PRR13: variants seen among roughly 807,000 people sequenced by gnomAD.
The protein encoded by PRR13 is proline rich 13.
PRR13 carries 7 observed loss-of-function variants against 11.5 expected under a neutral mutation model. That is an observed-to-expected ratio of 0.61 (90% CI 0.34 to 1.14). The LOEUF is 1.14. Among genes scored for constraint, PRR13 ranks in the 50% most tolerant of loss-of-function variants. PRR13 has a pLI of 0.03. For synonymous variants in PRR13, 53 were observed against 67.8 expected, an observed-to-expected ratio of 0.78 and a Z score of 1.07; for missense variants, 155 against 194.4, an observed-to-expected ratio of 0.80 and a Z score of 1.21.
rs1188270872 is a variant in PRR13, at chr12:53,442,678, C to T, written c.-20-17C>T. 6.3e-7 allele frequency: 1 copy of T among 1,597,432 alleles called. No individual in the cohort carries two copies. The highest frequency in any genetic ancestry group is 1.1e-5 in the South Asian group (1 of 90,702). ...CTCTAGACCGTCATCTTTTTTGCCTCATTTCTTTCTCCTCAGGCTGGAGGA... is the reference window on the plus strand; with the variant it reads ...CTCTAGACCGTCATCTTTTTTGCCTTATTTCTTTCTCCTCAGGCTGGAGGA... On this transcript the variant is annotated splice_polypyrimidine_tract_variant and intron_variant, in intron 1 of 3. Coordinates refer to ENST00000429243, the MANE Select transcript of PRR13 (RefSeq NM_018457.4).
intron 2 of PRR13, chr12:53,443,181 G>T (rs1940329837): frequency 3.9e-6 from 2 of 506,864 alleles, no homozygotes; most frequent in Non-Finnish European, 6.8e-6. Flanking sequence ...GTCTTCCTCA[G>T]AGTTCACTGT....
At position 53,443,591 on chromosome 12, in the gene PRR13, T is replaced by C. The variant is rs1242954208; in HGVS notation, c.220T>C (p.Leu74=). 1.2e-6 allele frequency: 2 copies of C among 1,611,510 alleles called. No individual in the cohort carries two copies. The highest frequency in any genetic ancestry group is 2.2e-5 in the East Asian group (1 of 44,826). Residue 74 remains leucine, a synonymous_variant, in exon 3 of 4, where the codon TTG becomes CTG. Transcript: ENST00000429243. ...GCCAGGGTATCCAGGATGCCAACCG[T>C]TGGGTCCCTACCCTCCTCCATACCC... is the stretch of plus-strand genomic sequence containing the variant. ...PQPGYPGCQP[L]GPYPPPYPPP...
At chr12:53,442,667 C>A (rs761664145) in intron 1 of PRR13, 28 bp from the exon 2 acceptor site, 1 of 1,577,274 alleles carries the variant, frequency 6.3e-7, no homozygotes, top group Non-Finnish European at 8.7e-7. Flanking sequence ...AGACCGTCAT[C>A]TTTTTTGCCT....
intron 2 of PRR13, 67 bp downstream of exon 2, chr12:53,442,800 C>T: frequency 1.3e-6 from 2 of 1,525,422 alleles, no homozygotes; most frequent in African/African-American, 2.7e-5. Flanking sequence ...CAGGAAGTTT[C>T]TGTATCAGCT....
intron 1 of PRR13, chr12:53,442,291 CTAG>C (rs1940306905): frequency 4.3e-6 from 1 of 232,126 alleles, no homozygotes. Flanking sequence ...GTCGCCCAGG[CTAG>C]AGTGCAGTGG....
At chr12:53,443,261 C>T (rs1940331874) in intron 2 of PRR13, 130 bp from the exon 3 acceptor site, 2 of 1,025,596 alleles carry the variant, frequency 2.0e-6, no homozygotes, top group Non-Finnish European at 2.6e-6. Context: ...GTCTCCCCTA[C>T]CCTCCATTCT....
At chr12:53,442,622 G>C in intron 1 of PRR13, 73 bp from the exon 2 acceptor site, 1 of 1,334,274 alleles carries the variant, frequency 7.5e-7, no homozygotes, top group African/African-American at 1.4e-5. Context: ...AGACGTTAGG[G>C]CTGGGCTCCG....
intron 3 of PRR13, among the ~76,000 whole-genome samples, chr12:53,444,601 T>C (rs1379750727): frequency 6.6e-6 from 1 of 152,216 alleles, no homozygotes; most frequent in Non-Finnish European, 1.5e-5. Flanking sequence ...AGTGCTGGGA[T>C]TACAGGCGTG....
intron 1 of PRR13, 163 bp downstream of exon 1, chr12:53,441,955 TCTTA>T (rs1234996465): frequency 5.9e-5 from 37 of 630,326 alleles, no homozygotes; most frequent in Admixed American, 1.9e-4. Context: ...GCAACTTCCT[TCTTA>T]CTTCGCCTCG....
intron 3 of PRR13, chr12:53,444,137 T>A (rs944160449): frequency 2.6e-6 from 1 of 384,356 alleles, no homozygotes; most frequent in African/African-American, 2.0e-5. Context: ...AGTCATTCCT[T>A]TGACAAAGCA....
chr12:53,442,706 C>G lies in PRR13; in HGVS notation c.-9C>G. The G allele has an allele frequency of 6.2e-7, 1 of 1,610,232 alleles. No homozygotes were observed. The highest frequency in any genetic ancestry group is 1.1e-5 in the South Asian group (1 of 90,996). ...TTCTTTCTCCTCAGGCTGGAGGACA[C>G]ACCTAAACATGTGGAATCCCAATGC... On this transcript the variant is annotated 5_prime_UTR_variant, in exon 2 of 4. Coordinates refer to ENST00000429243, the MANE Select transcript of PRR13 (RefSeq NM_018457.4).
intron 2 of PRR13, 75 bp downstream of exon 2, chr12:53,442,808 G>C (rs1333309882): frequency 1.3e-6 from 2 of 1,500,668 alleles, no homozygotes; most frequent in African/African-American, 2.8e-5. Context: ...TTCTGTATCA[G>C]CTCCCCTACC....
At chr12:53,444,659 T>C (rs1940367075) in intron 3 of PRR13, among the ~76,000 whole-genome samples, 1 of 152,248 alleles carries the variant, frequency 6.6e-6, no homozygotes, top group South Asian at 2.1e-4. Context: ...GCTCCAAGGC[T>C]AAGTATCTTT....
rs1232318546 is a variant in PRR13 at position 53,443,429 on chromosome 12, T to C, written c.58T>C (p.Cys20Arg). 2 of 1,423,336 alleles carry C rather than the reference T, an allele frequency of 1.4e-6. No homozygotes were observed. Among genetic ancestry groups the C allele is most frequent in the East Asian group, 2.5e-5 (1 of 39,526 alleles). 88.2% of individuals were successfully genotyped at this position (1,423,336 alleles called of 1,614,324 possible). ...AAATCCATATCCCCCCAATATTGGG[T>C]GCCCTGGAGGTTCCAATCCTGCCCA... ...GPNPYPPNIG[C>R]PGGSNPAHPP... Residue 20 changes from cysteine to arginine, a missense_variant, in exon 3 of 4, where the codon TGC (cysteine) becomes CGC (arginine). By Grantham distance (180) the Cys-to-Arg change is radical. Coordinates refer to ENST00000429243, the MANE Select transcript of PRR13 (RefSeq NM_018457.4).
intron 3 of PRR13, among the ~76,000 whole-genome samples, chr12:53,445,076 G>T (rs1467350474): frequency 6.6e-6 from 1 of 152,166 alleles, no homozygotes; most frequent in Non-Finnish European, 1.5e-5. Flanking sequence ...AGAAGGCTGT[G>T]CGCCGTGGTC....
rs778570655 is a variant in PRR13, at chr12:53,446,008, C to G, written c.403-7C>G. Reference sequence around the variant, plus strand: ...TCTTCTTTCCCCTTTCCCCTTTCCCCTTGCAGCATTCCTCCTCTTCCTCCT... The same window carrying G: ...TCTTCTTTCCCCTTTCCCCTTTCCCGTTGCAGCATTCCTCCTCTTCCTCCT... On this transcript the variant is annotated splice_region_variant and splice_polypyrimidine_tract_variant and intron_variant, in intron 3 of 3. Transcript: ENST00000429243. 1 of 1,608,866 alleles carries G rather than the reference C, an allele frequency of 6.2e-7. No homozygotes were observed.
chr12:53,444,336 T>TA (rs869200232), intron 3 of PRR13, among the ~76,000 whole-genome samples: 2 of 131,962 alleles, frequency 1.5e-5, no homozygotes, highest in Admixed American at 7.0e-5. Flanking sequence ...GAGGTTTTTT[T>TA]TTTTTTTTTT....
rs1254198496 is a variant in PRR13, at chr12:53,443,267, ATTC to A, written c.20-118_20-116del. On this transcript the variant is annotated intron_variant, in intron 2 of 3. Transcript: ENST00000429243. Reference sequence around the variant, plus strand: ...CTCAAGTTTGTCTCCCCTACCCTCCATTCTTCTTTGTCATCTTTCCGTTTCCCT... The same window carrying A: ...CTCAAGTTTGTCTCCCCTACCCTCCATTCTTTGTCATCTTTCCGTTTCCCT... 1.1e-5 allele frequency: 12 copies of A among 1,096,644 alleles called. No homozygotes were observed. In the East Asian group the frequency reaches 1.4e-4, roughly 13 times the overall value. The allele number at this position is 1,096,644 out of a possible 1,614,324, so 67.9% of individuals were successfully genotyped here.
intron 3 of PRR13, among the ~76,000 whole-genome samples, chr12:53,445,585 T>C (rs1565847955): frequency 2.6e-5 from 4 of 152,196 alleles, no homozygotes; most frequent in Non-Finnish European, 5.9e-5. Context: ...CTGCTGTTTC[T>C]ACTGTCTTTT....
Sources: gnomAD v4.1 joint callset for allele counts (sites outside exome capture counted in the v4.1 genomes callset) on GRCh38, gnomAD v4.1.1 for gene constraint, MANE v1.5 for transcripts, NCBI Gene and HGNC (gene_info 2026-07-23, HGNC 2026-07-21) for gene names.